The following TMPRSS11E variants were observed in gnomAD, a reference collection of about 807,000 sequenced individuals.
TMPRSS11E encodes transmembrane protease serine 11E.
Under a neutral mutation model 48.1 loss-of-function variants are expected in TMPRSS11E, and 38 were observed. That is an observed-to-expected ratio of 0.79 (90% CI 0.61 to 1.04). The LOEUF is 1.04. TMPRSS11E is among the 50% of genes least tolerant of loss of function. The pLI is 0.00. For missense variants in TMPRSS11E, 530 were observed against 510.8 expected, an observed-to-expected ratio of 1.04 and a Z score of -0.36; for synonymous variants, 158 against 171.9, an observed-to-expected ratio of 0.92 and a Z score of 0.63.
rs879193345 is a variant in TMPRSS11E at position 68,478,147 on chromosome 4, A to ATT, written c.967+520_967+521insTT. ...ATGTAGTCTAAGATTCTGTATCACT[A>ATT]TCTTTTTTTTTTTTTTTTGAGACAG... is the stretch of plus-strand genomic sequence containing the variant. On this transcript the variant is annotated intron_variant, in intron 8 of 9. Coordinates refer to ENST00000305363, the MANE Select transcript of TMPRSS11E (RefSeq NM_014058.4). Among the ~76,000 whole-genome samples the ATT allele has an allele frequency of 2.7e-3, 245 of 90,538 alleles. 14 individuals carry two copies. The highest frequency in any genetic ancestry group is 5.7e-3 in the Middle Eastern group (1 of 176). 59.4% of individuals were successfully genotyped at this position (90,538 alleles called of 152,430 possible). A position where few individuals can be genotyped will look rare whatever the true frequency, so the allele number is the denominator to read the frequency against.
At chr4:68,480,853 T>C (rs1272483768) in intron 9 of TMPRSS11E, among the ~76,000 whole-genome samples, 1 of 152,198 alleles carries the variant, frequency 6.6e-6, no homozygotes, top group Non-Finnish European at 1.5e-5. Context: ...GATTGTTACA[T>C]GGGTAAATTG....
intron 9 of TMPRSS11E, among the ~76,000 whole-genome samples, chr4:68,482,775 G>GA (rs1182273210): frequency 2.1e-4 from 30 of 145,302 alleles, no homozygotes; most frequent in African/African-American, 5.3e-4. Context: ...TCATCTTGGG[G>GA]AAAAAAAAAA....
In TMPRSS11E at chr4:68,496,746, G is replaced by C; in HGVS notation, c.1214G>C (p.Gly405Ala). The C allele has an allele frequency of 5.6e-6, 9 of 1,613,678 alleles. No individual in the cohort carries two copies. Among genetic ancestry groups the C allele is most frequent in the Non-Finnish European group, 7.6e-6 (9 of 1,179,680 alleles). ...GDECAKPNKP[G>A]VYTRVTALRD... is the part of the protein sequence containing the mutation. The stretch of plus-strand genomic sequence containing the variant: ...GAATGTGCGAAACCCAACAAGCCTG[G>C]TGTTTATACTAGAGTTACGGCCTTG... The change falls in exon 10 of 10, where the codon GGT becomes GCT. Residue 405 changes from glycine (G) to alanine (A), a missense_variant. Gly to Ala is a moderately conservative substitution (Grantham distance 60, BLOSUM62 0). Transcript: ENST00000305363.
chr4:68,493,045 CTATAG>C (rs1729773793), intron 9 of TMPRSS11E, among the ~76,000 whole-genome samples: 2 of 152,132 alleles, frequency 1.3e-5, no homozygotes, highest in African/African-American at 2.4e-5. Flanking sequence ...TCTATAGTCT[CTATAG>C]TAATGTCCTT....
chr4:68,459,428 T>C (rs2109669511), intron 1 of TMPRSS11E, among the ~76,000 whole-genome samples: 1 of 152,238 alleles, frequency 6.6e-6, no homozygotes, highest in East Asian at 1.9e-4. Flanking sequence ...TAAATTAAAA[T>C]TAAAATTTCT....
At chr4:68,461,131 T>C (rs1728779520) in intron 1 of TMPRSS11E, among the ~76,000 whole-genome samples, 2 of 152,280 alleles carry the variant, frequency 1.3e-5, no homozygotes, top group African/African-American at 2.4e-5. Flanking sequence ...TCCGCCCGCC[T>C]CGGCCTCCCA....
intron 1 of TMPRSS11E, among the ~76,000 whole-genome samples, chr4:68,459,007 T>C (rs1728715103): frequency 6.6e-6 from 1 of 152,126 alleles, no homozygotes; most frequent in Admixed American, 6.6e-5. Flanking sequence ...ATCCTTGTTT[T>C]TCATATGGAG....
intron 9 of TMPRSS11E, among the ~76,000 whole-genome samples, chr4:68,493,380 A>C (rs1729781950): frequency 6.6e-6 from 1 of 152,182 alleles, no homozygotes. Context: ...TACACGCTTT[A>C]CAAACTTTGT....
intron 1 of TMPRSS11E, among the ~76,000 whole-genome samples, chr4:68,449,502 G>C (rs1354632796): frequency 6.6e-6 from 1 of 151,486 alleles, no homozygotes; most frequent in East Asian, 1.9e-4. Flanking sequence ...GACACAAAAT[G>C]GACAACTTTA....
Position 68,496,651 on chromosome 4 carries a change from T to C in TMPRSS11E, c.1119T>C (p.Ser373=), listed in dbSNP as rs780145209. The C allele has an allele frequency of 3.1e-6, 5 of 1,612,218 alleles. No individual in the cohort carries two copies. In the East Asian group the frequency reaches 8.9e-5, roughly 29 times the overall value. The part of the protein sequence containing the change: ...EGKTDACQGD[S]GGPLVSSDAR... ...TCTGTCTTCTCCTTTAGGGTGACTC[T>C]GGAGGACCACTGGTTAGTTCAGATG... The change falls in exon 10 of 10, where the codon TCT becomes TCC. Residue 373 remains serine, a synonymous_variant. Coordinates refer to ENST00000305363, the MANE Select transcript of TMPRSS11E (RefSeq NM_014058.4).
chr4:68,465,054 T>C (rs1252983746), intron 2 of TMPRSS11E, among the ~76,000 whole-genome samples: 4 of 152,228 alleles, frequency 2.6e-5, no homozygotes, highest in Admixed American at 1.3e-4. Flanking sequence ...TTTACAGAGA[T>C]AGTTATGAGT....
At chr4:68,491,299 C>CAAGAAAAAA (rs1729714740) in intron 9 of TMPRSS11E, among the ~76,000 whole-genome samples, 1 of 92,056 alleles carries the variant, frequency 1.1e-5, no homozygotes, top group Non-Finnish European at 2.0e-5. Flanking sequence ...ATATATGAAG[C>CAAGAAAAAA]AAAAAAAAAA....
chr4:68,476,957 T>C (rs1215018292), intron 7 of TMPRSS11E, among the ~76,000 whole-genome samples: 1 of 152,188 alleles, frequency 6.6e-6, no homozygotes, highest in African/African-American at 2.4e-5. Flanking sequence ...ATGTCTATAG[T>C]ATATAAAATA....
intron 9 of TMPRSS11E, among the ~76,000 whole-genome samples, chr4:68,492,218 A>G (rs1275863558): frequency 6.6e-6 from 1 of 152,230 alleles, no homozygotes; most frequent in Admixed American, 6.5e-5. Context: ...TGACTTGAAA[A>G]TATACTTGAT....
intron 6 of TMPRSS11E, 150 bp downstream of exon 6, chr4:68,474,911 C>G (rs1729169375): frequency 1.5e-6 from 1 of 648,276 alleles, no homozygotes; most frequent in Non-Finnish European, 2.5e-6. Flanking sequence ...TTTATCATAT[C>G]TTGGAGATAC....
intron 9 of TMPRSS11E, among the ~76,000 whole-genome samples, chr4:68,482,319 G>T (rs941074306): frequency 6.6e-6 from 1 of 152,126 alleles, no homozygotes; most frequent in Admixed American, 6.5e-5. Context: ...AGCAACATGA[G>T]ATTTGGGCAG....
At chr4:68,472,119 T>C (rs1482010136) in intron 5 of TMPRSS11E, among the ~76,000 whole-genome samples, 1 of 151,974 alleles carries the variant, frequency 6.6e-6, no homozygotes, top group Non-Finnish European at 1.5e-5. Flanking sequence ...TAGATTTTTG[T>C]TGTTCTTGTT....
At chr4:68,494,802 A>G (rs977597906) in intron 9 of TMPRSS11E, among the ~76,000 whole-genome samples, 1 of 152,228 alleles carries the variant, frequency 6.6e-6, no homozygotes, top group Non-Finnish European at 1.5e-5. Context: ...AAAAATGCAA[A>G]GAAAAATAAT....
chr4:68,456,952 C>G (rs1471398294), intron 1 of TMPRSS11E, among the ~76,000 whole-genome samples: 1 of 152,136 alleles, frequency 6.6e-6, no homozygotes, highest in Non-Finnish European at 1.5e-5. Context: ...CATAAAAACT[C>G]TAGAAGAAAA....
Sources: allele counts gnomAD v4.1 joint callset (sites outside exome capture counted in the v4.1 genomes callset), GRCh38; gene constraint gnomAD v4.1.1; transcripts MANE v1.5; gene names NCBI Gene and HGNC (gene_info 2026-07-23, HGNC 2026-07-21).